TMTC4: variants seen among roughly 807,000 people sequenced by gnomAD.
TMTC4 encodes the protein transmembrane O-mannosyltransferase targeting cadherins 4.
TMTC4 carries 65 observed loss-of-function variants against 86.0 expected under a neutral mutation model. That is an observed-to-expected ratio of 0.76 (90% CI 0.62 to 0.93). TMTC4 has a LOEUF of 0.93. Ranked by LOEUF, TMTC4 falls within the 40% of genes least tolerant of loss-of-function variation. TMTC4 has a pLI of 0.00. For synonymous variants in TMTC4, 379 were observed against 382.5 expected, an observed-to-expected ratio of 0.99 and a Z score of 0.11; for missense variants, 866 against 948.1, an observed-to-expected ratio of 0.91 and a Z score of 1.14.
intron 5 of TMTC4, among the ~76,000 whole-genome samples, chr13:100,659,977 T>C (rs1885565103): frequency 6.7e-6 from 1 of 149,080 alleles, no homozygotes; most frequent in Non-Finnish European, 1.5e-5. Context: ...TCATTTTCAG[T>C]GTGAAATGCT....
In TMTC4 at chr13:100,669,585, G is replaced by A. The variant is rs114283447; in HGVS notation, c.3+775C>T. On this transcript the variant is annotated intron_variant, in intron 2 of 18. Coordinates refer to ENST00000342624, the MANE Select transcript of TMTC4 (RefSeq NM_032813.5). Reference sequence around the variant, plus strand: ...TCAAATGGGCATAATGTTTCTCGCCGGGGATGCCTGTGCCTCATCCTTGCC... The same window carrying A: ...TCAAATGGGCATAATGTTTCTCGCCAGGGATGCCTGTGCCTCATCCTTGCC... Among the ~76,000 whole-genome samples, 829 of 152,200 alleles carry A rather than the reference G, an allele frequency of 5.4e-3. 5 individuals carry two copies. Among genetic ancestry groups the A allele is most frequent in the South Asian group, 0.018 (89 of 4,812 alleles).
intron 3 of TMTC4, chr13:100,666,218 C>A: frequency 2.9e-6 from 1 of 349,904 alleles, no homozygotes; most frequent in Admixed American, 3.8e-5. Context: ...TCTCAAGGAA[C>A]AAAAAAGGCA....
chr13:100,673,554 T>C (rs1002669434), intron 1 of TMTC4, among the ~76,000 whole-genome samples: 1 of 152,206 alleles, frequency 6.6e-6, no homozygotes, highest in Non-Finnish European at 1.5e-5. Flanking sequence ...GATCAGACCC[T>C]GGGCCCCTCA....
At chr13:100,651,998 T>C (rs546698705) in intron 6 of TMTC4, among the ~76,000 whole-genome samples, 1 of 152,294 alleles carries the variant, frequency 6.6e-6, no homozygotes, top group South Asian at 2.1e-4. Context: ...ATACATGTGT[T>C]TACCACTCAG....
chr13:100,641,925 T>C (rs1883066237), intron 7 of TMTC4, among the ~76,000 whole-genome samples: 1 of 152,222 alleles, frequency 6.6e-6, no homozygotes, highest in African/African-American at 2.4e-5. Flanking sequence ...CTTTTATCTT[T>C]TTCTACAGGG....
chr13:100,656,256 T>C, intron 6 of TMTC4, 125 bp downstream of exon 6: 1 of 729,100 alleles, frequency 1.4e-6, no homozygotes, highest in South Asian at 2.1e-5. Context: ...ATGCATCCTC[T>C]GGCCCAGATC....
At chr13:100,616,932 A>G (rs554015485) in intron 15 of TMTC4, among the ~76,000 whole-genome samples, 2 of 152,234 alleles carry the variant, frequency 1.3e-5, no homozygotes, top group African/African-American at 4.8e-5. Flanking sequence ...TGCATAGTTT[A>G]TGAATATTTT....
intron 6 of TMTC4, among the ~76,000 whole-genome samples, chr13:100,653,108 C>T (rs1020971516): frequency 1.3e-5 from 2 of 152,122 alleles, no homozygotes; most frequent in Non-Finnish European, 2.9e-5. Context: ...CAAGTTTTCT[C>T]CTCCTAAAAA....
At chr13:100,662,886 T>A in intron 5 of TMTC4, 78 bp downstream of exon 5, 14 of 1,518,038 alleles carry the variant, frequency 9.2e-6, no homozygotes, top group Non-Finnish European at 1.3e-5. Context: ...AGGGAGCCTG[T>A]TTTAGGAAAC....
intron 3 of TMTC4, among the ~76,000 whole-genome samples, chr13:100,666,922 G>A (rs796693501): frequency 4.1e-4 from 62 of 152,340 alleles, no homozygotes; most frequent in African/African-American, 1.3e-3. Context: ...CCCAGGCATC[G>A]GAGGCTGCAG....
chr13:100,671,757 C>T (rs766286522), intron 1 of TMTC4, among the ~76,000 whole-genome samples: 4 of 152,088 alleles, frequency 2.6e-5, no homozygotes, highest in Non-Finnish European at 4.4e-5. Context: ...CTCCTTTCTC[C>T]AAGGCCTCCC....
intron 6 of TMTC4, among the ~76,000 whole-genome samples, chr13:100,642,780 G>C (rs1023171455): frequency 6.6e-6 from 1 of 152,214 alleles, no homozygotes; most frequent in Non-Finnish European, 1.5e-5. Context: ...TGGAATAGGA[G>C]TTTGGGCCCT....
chr13:100,666,075 T>C, intron 3 of TMTC4: 1 of 456,480 alleles, frequency 2.2e-6, no homozygotes, highest in South Asian at 1.6e-5. Context: ...GTTCTAAATA[T>C]TTGATTAAGT....
At chr13:100,671,992 A>C (rs1887166328) in intron 1 of TMTC4, among the ~76,000 whole-genome samples, 1 of 152,062 alleles carries the variant, frequency 6.6e-6, no homozygotes, top group African/African-American at 2.4e-5. Flanking sequence ...TGCCGGCTGC[A>C]CGACCTTGAA....
At chr13:100,609,874 CT>C (rs151108617) in intron 17 of TMTC4, among the ~76,000 whole-genome samples, 141 of 152,210 alleles carry the variant, frequency 9.3e-4, no homozygotes, top group African/African-American at 3.3e-3. Context: ...TTAAGAAGGG[CT>C]GCTCAGATAG....
chr13:100,664,041 T>C (rs1459807548), intron 4 of TMTC4, among the ~76,000 whole-genome samples, 180 bp downstream of exon 4: 1 of 152,070 alleles, frequency 6.6e-6, no homozygotes, highest in Non-Finnish European at 1.5e-5. Context: ...ACGTCATCCT[T>C]CACAGGGGCC....
intron 10 of TMTC4, chr13:100,635,595 G>GA (rs1201369363): frequency 5.2e-5 from 8 of 152,844 alleles, no homozygotes; most frequent in East Asian, 1.9e-4. Context: ...TTTTCACGGG[G>GA]AAAAAAAAAT....
At chr13:100,621,686 A>G (rs1312144832) in intron 15 of TMTC4, among the ~76,000 whole-genome samples, 1 of 152,192 alleles carries the variant, frequency 6.6e-6, no homozygotes, top group African/African-American at 2.4e-5. Context: ...CGGCCTTCCA[A>G]AGTGCTGGGA....
At chr13:100,674,324 C>T (rs1887548603) in intron 1 of TMTC4, 1 of 978,618 alleles carries the variant, frequency 1.0e-6, no homozygotes, top group Non-Finnish European at 1.2e-6. Flanking sequence ...TGCGCCGCGG[C>T]CAGCTGGCGG....
Sources: allele counts gnomAD v4.1 joint callset (sites outside exome capture counted in the v4.1 genomes callset), GRCh38; gene constraint gnomAD v4.1.1; transcripts MANE v1.5; gene names NCBI Gene and HGNC (gene_info 2026-07-23, HGNC 2026-07-21).